The following ADK variants were observed in gnomAD, a reference collection of about 807,000 sequenced individuals.
ADK encodes the protein adenosine kinase, also known as N6,N6-dimethyladenosine kinase.
In ADK, 24 loss-of-function variants were observed where a neutral mutation model predicts 44.7. That is an observed-to-expected ratio of 0.54 (90% CI 0.39 to 0.76). The LOEUF (loss-of-function observed/expected upper bound fraction) is 0.76, where lower values mean the gene tolerates loss of function less well. Ranked by LOEUF, ADK falls within the 30% of genes least tolerant of loss-of-function variation. ADK has a pLI of 0.00. For missense variants in ADK, 321 were observed against 425.1 expected (o/e 0.76, Z 2.15); for synonymous variants, 128 against 142.6 (o/e 0.90, Z 0.73).
At chr10:74,314,820 CT>C in intron 4 of ADK, 75 bp downstream of exon 4, 2 of 1,114,804 alleles carry the variant, frequency 1.8e-6, no homozygotes, top group Non-Finnish European at 1.4e-6. Flanking sequence ...TAATTGTTTC[CT>C]TTTATATTGT....
At chr10:74,185,240 G>T (rs1010203135) in intron 1 of ADK, among the ~76,000 whole-genome samples, 2 of 152,204 alleles carry the variant, frequency 1.3e-5, no homozygotes, top group African/African-American at 4.8e-5. Context: ...AGCACTGGTA[G>T]TGTTTTGCTG....
intron 4 of ADK, among the ~76,000 whole-genome samples, chr10:74,324,894 ACTATAGC>A (rs1363885365): frequency 6.6e-6 from 1 of 152,212 alleles, no homozygotes; most frequent in African/African-American, 2.4e-5. Flanking sequence ...TATTTCGGGT[ACTATAGC>A]CTTTTGTAAT....
At chr10:74,153,613 A>G (rs1401117121) in intron 1 of ADK, among the ~76,000 whole-genome samples, 1 of 152,224 alleles carries the variant, frequency 6.6e-6, no homozygotes, top group Non-Finnish European at 1.5e-5. Context: ...TATGTGCTCT[A>G]TATATGTTAT....
At chr10:74,242,954 A>G (rs1328013649) in intron 3 of ADK, among the ~76,000 whole-genome samples, 1 of 151,876 alleles carries the variant, frequency 6.6e-6, no homozygotes, top group Non-Finnish European at 1.5e-5. Flanking sequence ...AAAATTCTCC[A>G]CCTTCACCAT....
Position 74,468,959 on chromosome 10 carries a change from A to G in ADK, c.556-56297A>G, listed in dbSNP as rs559111724. On this transcript the variant is annotated intron_variant, in intron 6 of 10. Coordinates refer to ENST00000539909, the MANE Select transcript of ADK (RefSeq NM_006721.4). ...TAATCTAGACAAGGGGTGTGTGTGTATGTGCATGTGTGGGTGTGTGTGTGT... is the reference window on the plus strand; with the variant it reads ...TAATCTAGACAAGGGGTGTGTGTGTGTGTGCATGTGTGGGTGTGTGTGTGT... Among the ~76,000 whole-genome samples, 115 of 151,788 alleles carry G rather than the reference A, an allele frequency of 7.6e-4. 1 individual carries two copies. The highest frequency in any genetic ancestry group is 2.7e-3 in the African/African-American group (110 of 41,280).
At chr10:74,603,490 T>C (rs1250923650) in intron 9 of ADK, among the ~76,000 whole-genome samples, 1 of 152,146 alleles carries the variant, frequency 6.6e-6, no homozygotes, top group South Asian at 2.1e-4. Flanking sequence ...TTCCCACTTA[T>C]GAGTGAGAAC....
rs1845604853 is a variant in ADK, at chr10:74,446,869, G to A, written c.555+48290G>A. 2.6e-5 allele frequency among the ~76,000 whole-genome samples: 4 copies of A among 151,996 alleles called. No homozygotes were observed. In the South Asian group the frequency reaches 8.3e-4, roughly 31 times the overall value. On this transcript the variant is annotated intron_variant, in intron 6 of 10. Transcript: ENST00000539909. ...TTATTAGTCTATAAATCACTGCATG[G>A]TTCTCATTCATTGATTTTCACTTAG... is the stretch of plus-strand genomic sequence containing the variant.
intron 7 of ADK, among the ~76,000 whole-genome samples, chr10:74,549,537 G>A (rs1349714278): frequency 1.3e-5 from 2 of 152,228 alleles, no homozygotes; most frequent in Admixed American, 6.5e-5. Flanking sequence ...CCAGGCTCAG[G>A]TGATCCTCCC....
At chr10:74,223,827 G>T (rs1235506670) in intron 2 of ADK, among the ~76,000 whole-genome samples, 2 of 152,100 alleles carry the variant, frequency 1.3e-5, no homozygotes, top group Non-Finnish European at 2.9e-5. Context: ...GGTGACTCAT[G>T]CCAGTAATCC....
At chr10:74,260,054 T>TA (rs994537647) in intron 3 of ADK, among the ~76,000 whole-genome samples, 289 of 146,084 alleles carry the variant, frequency 2.0e-3, no homozygotes, top group Middle Eastern at 3.4e-3. Flanking sequence ...TTTGGCCATT[T>TA]AAAAAAAAAA....
intron 6 of ADK, among the ~76,000 whole-genome samples, chr10:74,404,514 C>T (rs1241228683): frequency 6.6e-6 from 1 of 152,084 alleles, no homozygotes; most frequent in East Asian, 1.9e-4. Context: ...CTTTATTTCA[C>T]CTTCATTTTT....
chr10:74,630,516 T>C (rs1853373311), intron 9 of ADK, among the ~76,000 whole-genome samples: 1 of 152,166 alleles, frequency 6.6e-6, no homozygotes, highest in Non-Finnish European at 1.5e-5. Context: ...TTGACTGATG[T>C]TTCCCTGTGA....
chr10:74,629,624 A>C (rs1482677528), intron 9 of ADK, among the ~76,000 whole-genome samples: 1 of 152,208 alleles, frequency 6.6e-6, no homozygotes, highest in Non-Finnish European at 1.5e-5. Flanking sequence ...ATACTTGTGA[A>C]GTGTACACTA....
intron 3 of ADK, among the ~76,000 whole-genome samples, chr10:74,286,007 T>C (rs927060330): frequency 1.3e-5 from 2 of 152,230 alleles, no homozygotes. Flanking sequence ...TGAATAAATA[T>C]TGGTATAAGC....
At chr10:74,322,304 G>A (rs1025299519) in intron 4 of ADK, among the ~76,000 whole-genome samples, 3 of 152,176 alleles carry the variant, frequency 2.0e-5, no homozygotes, top group African/African-American at 7.2e-5. Flanking sequence ...TAGCACAACT[G>A]TATTTATAAT....
intron 6 of ADK, among the ~76,000 whole-genome samples, chr10:74,490,395 A>G (rs761922269): frequency 2.4e-4 from 36 of 152,246 alleles, no homozygotes; most frequent in Non-Finnish European, 3.7e-4. Flanking sequence ...GGATTTACCA[A>G]CAACCAAAAA....
intron 7 of ADK, among the ~76,000 whole-genome samples, chr10:74,553,953 T>G (rs1850142648): frequency 6.6e-6 from 1 of 152,226 alleles, no homozygotes; most frequent in South Asian, 2.1e-4. Flanking sequence ...TTTTATTTAA[T>G]GCTATTTAAC....
rs59620474 is a variant in ADK, at chr10:74,665,736, T to TGAGAGAGA, written c.878-4408_878-4401dup. Among the ~76,000 whole-genome samples, 474 of 116,250 alleles carry TGAGAGAGA rather than the reference T, an allele frequency of 4.1e-3. 3 individuals are homozygous for TGAGAGAGA. Among genetic ancestry groups the TGAGAGAGA allele is most frequent in the Middle Eastern group, 8.3e-3 (2 of 242 alleles). 76.3% of individuals were successfully genotyped at this position (116,250 alleles called of 152,430 possible). A position where few individuals can be genotyped will look rare whatever the true frequency, so the allele number is the denominator to read the frequency against. ...GGAGGCAGAGTGAGACCTTAGCTCT[T>TGAGAGAGA]GAGAGAGAGAGAGAGAGAGAGAGAG... On this transcript the variant is annotated intron_variant, in intron 9 of 10. Transcript: ENST00000539909.
chr10:74,580,273 G>GT (rs1851329803), intron 7 of ADK, among the ~76,000 whole-genome samples: 1 of 152,090 alleles, frequency 6.6e-6, no homozygotes, highest in Non-Finnish European at 1.5e-5. Flanking sequence ...AGATCTGATG[G>GT]TTTTAAAAAG....
Sources: allele counts gnomAD v4.1 joint callset (sites outside exome capture counted in the v4.1 genomes callset), GRCh38; gene constraint gnomAD v4.1.1; transcripts MANE v1.5; gene names NCBI Gene and HGNC (gene_info 2026-07-23, HGNC 2026-07-21).